The following BBS9 variants were observed in gnomAD, a reference collection of about 807,000 sequenced individuals.
BBS9 encodes Bardet-Biedl syndrome 9.
BBS9 carries 89 observed loss-of-function variants against 117.7 expected under a neutral mutation model. That is an observed-to-expected ratio of 0.76 (90% CI 0.64 to 0.90). The LOEUF is 0.90. BBS9 is among the 40% of genes least tolerant of loss of function. The pLI, the probability that BBS9 is intolerant of heterozygous loss-of-function variation, is 0.00. For synonymous variants in BBS9, 379 were observed against 370.9 expected (o/e 1.02, Z -0.25); for missense variants, 982 against 1,042.2 (o/e 0.94, Z 0.80).
intron 21 of BBS9, among the ~76,000 whole-genome samples, chr7:33,564,129 T>C (rs957851256): frequency 6.6e-6 from 1 of 152,242 alleles, no homozygotes; most frequent in Non-Finnish European, 1.5e-5. Context: ...CTTTGTTTTA[T>C]TGGCAAATTG....
chr7:33,587,607 T>C (rs1313357928), intron 21 of BBS9, among the ~76,000 whole-genome samples: 1 of 152,034 alleles, frequency 6.6e-6, no homozygotes, highest in African/African-American at 2.4e-5. Flanking sequence ...TCAAAGAAAG[T>C]AGAGCTGGGG....
At chr7:33,584,384 T>C (rs976529534) in intron 21 of BBS9, among the ~76,000 whole-genome samples, 1 of 152,102 alleles carries the variant, frequency 6.6e-6, no homozygotes, top group African/African-American at 2.4e-5. Flanking sequence ...TTGTGATAGC[T>C]AAGATCCTCA....
At chr7:33,541,354 T>C (rs10223899) in intron 21 of BBS9, among the ~76,000 whole-genome samples, 69,958 of 151,916 alleles carry the variant, frequency 0.46, 16,725 homozygotes, top group South Asian at 0.57. Flanking sequence ...CCCAAATATA[T>C]CTCTTTTCAT....
intron 19 of BBS9, among the ~76,000 whole-genome samples, chr7:33,419,840 T>G (rs1832587844): frequency 1.3e-5 from 2 of 152,176 alleles, no homozygotes; most frequent in Non-Finnish European, 1.5e-5. Flanking sequence ...CCCTTAAAAT[T>G]ACCTTGAATT....
intron 21 of BBS9, among the ~76,000 whole-genome samples, chr7:33,538,044 G>C (rs1372680678): frequency 6.6e-6 from 1 of 152,180 alleles, no homozygotes; most frequent in Non-Finnish European, 1.5e-5. Context: ...CAGCAGGGCA[G>C]GCATAGAAAG....
At chr7:33,247,039 C>G (rs73689881) in intron 5 of BBS9, among the ~76,000 whole-genome samples, 1 of 151,594 alleles carries the variant, frequency 6.6e-6, no homozygotes, top group African/African-American at 2.4e-5. Context: ...AAAACCCCCC[C>G]ATTTTTGGCA....
Position 33,448,996 on chromosome 7 carries a change from T to C in BBS9, c.2116-56467T>C, listed in dbSNP as rs10235943. On this transcript the variant is annotated intron_variant, in intron 19 of 22. Coordinates refer to ENST00000242067, the MANE Select transcript of BBS9 (RefSeq NM_198428.3). ...TAAACTCAAACTCAGAGAATTTATG[T>C]AACTTGCACAAGGTCACACAGCTCT... is the stretch of plus-strand genomic sequence containing the variant. Among the ~76,000 whole-genome samples the C allele has an allele frequency of 7.8e-3, 1,188 of 152,380 alleles. 18 individuals carry two copies. Among genetic ancestry groups the C allele is most frequent in the South Asian group, 0.046 (220 of 4,828 alleles).
rs1026949295 is a variant in BBS9 at position 33,167,408 on chromosome 7, T to C, written c.329-10070T>C. Among the ~76,000 whole-genome samples, 5 of 151,190 alleles carry C rather than the reference T, an allele frequency of 3.3e-5. No individual in the cohort carries two copies. In the East Asian group the frequency reaches 9.7e-4, roughly 29 times the overall value. ...TCATTAAAGTTCTGAGAATTCTTTT[T>C]TTTTTTTTTTTTGAAATGGAGTCTA... On this transcript the variant is annotated intron_variant, in intron 4 of 22. Coordinates refer to ENST00000242067, the MANE Select transcript of BBS9 (RefSeq NM_198428.3).
At chr7:33,181,911 G>A (rs532359958) in intron 5 of BBS9, among the ~76,000 whole-genome samples, 29 of 152,174 alleles carry the variant, frequency 1.9e-4, no homozygotes, top group African/African-American at 5.1e-4. Context: ...GTGAAACCCC[G>A]TCTCTACTAA....
chr7:33,553,253 T>C (rs1298864921), intron 21 of BBS9, among the ~76,000 whole-genome samples: 1 of 152,220 alleles, frequency 6.6e-6, no homozygotes, highest in African/African-American at 2.4e-5. Flanking sequence ...CATTGTGGGC[T>C]ATTTAATATT....
At chr7:33,154,515 G>T (rs560677670) in intron 3 of BBS9, among the ~76,000 whole-genome samples, 18 of 152,114 alleles carry the variant, frequency 1.2e-4, no homozygotes, top group Non-Finnish European at 2.6e-4. Flanking sequence ...GCCCAGACTG[G>T]AGTGCAATGG....
intron 5 of BBS9, among the ~76,000 whole-genome samples, chr7:33,206,711 T>A (rs2128219562): frequency 6.6e-6 from 1 of 152,296 alleles, no homozygotes; most frequent in East Asian, 1.9e-4. Flanking sequence ...TATATAACAT[T>A]TTTATCTACT....
intron 20 of BBS9, among the ~76,000 whole-genome samples, chr7:33,527,607 C>G (rs554643821): frequency 5.3e-5 from 8 of 152,188 alleles, no homozygotes; most frequent in Non-Finnish European, 7.3e-5. Context: ...TGCTTCGGCT[C>G]GCGCACGGTG....
chr7:33,470,216 TA>T (rs1584940584), intron 19 of BBS9, among the ~76,000 whole-genome samples: 1 of 152,148 alleles, frequency 6.6e-6, no homozygotes. Context: ...ATTACAAGAA[TA>T]TTTTTTCCAG....
At chr7:33,461,086 A>G (rs902911474) in intron 19 of BBS9, among the ~76,000 whole-genome samples, 4 of 151,998 alleles carry the variant, frequency 2.6e-5, no homozygotes, top group Non-Finnish European at 5.9e-5. Flanking sequence ...TTATGGCTGT[A>G]TAATAGTCCA....
At chr7:33,211,472 T>G (rs961603645) in intron 5 of BBS9, among the ~76,000 whole-genome samples, 2 of 143,772 alleles carry the variant, frequency 1.4e-5, no homozygotes. Context: ...TTCATTCCCC[T>G]GCTTTTTTTT....
chr7:33,224,759 G>A (rs1055592022), intron 5 of BBS9, among the ~76,000 whole-genome samples: 2 of 152,154 alleles, frequency 1.3e-5, no homozygotes, highest in South Asian at 2.1e-4. Context: ...GTAGTTAGAT[G>A]TAGAGGACTG....
chr7:33,634,641 G>A (rs901051402), intron 21 of BBS9, among the ~76,000 whole-genome samples: 2 of 152,112 alleles, frequency 1.3e-5, no homozygotes, highest in South Asian at 2.1e-4. Flanking sequence ...GCTGTGTCAC[G>A]TAAAACAGAT....
intron 1 of BBS9, among the ~76,000 whole-genome samples, chr7:33,140,628 A>T (rs577207640): frequency 1.3e-5 from 2 of 152,206 alleles, no homozygotes; most frequent in South Asian, 4.1e-4. Flanking sequence ...TACTTGGCAT[A>T]TATAGTGAGA....
Sources: gnomAD v4.1 joint callset for allele counts (sites outside exome capture counted in the v4.1 genomes callset) on GRCh38, gnomAD v4.1.1 for gene constraint, MANE v1.5 for transcripts, NCBI Gene and HGNC (gene_info 2026-07-23, HGNC 2026-07-21) for gene names.